The following ALG9 variants were observed in gnomAD, a reference collection of about 807,000 sequenced individuals.
ALG9 encodes ALG9 alpha-1,2-mannosyltransferase.
ALG9 carries 55 observed loss-of-function variants against 81.8 expected under a neutral mutation model. The ratio of observed to expected loss-of-function variants is 0.67; its 90% CI spans 0.54 to 0.84. The LOEUF (loss-of-function observed/expected upper bound fraction) is 0.84. ALG9 is among the 40% of genes least tolerant of loss of function. ALG9 has a pLI of 0.00. For synonymous variants in ALG9, 278 were observed against 274.3 expected (o/e 1.01, Z -0.13); for missense variants, 629 against 745.0 (o/e 0.84, Z 1.81).
At chr11:111,781,970 G>A (rs183715216), downstream of ALG9, among the ~76,000 whole-genome samples, 1 of 152,128 alleles carries the variant, frequency 6.6e-6, no homozygotes, top group South Asian at 2.1e-4. Flanking sequence ...TACTGTGCGT[G>A]GTTTTAACAT....
chr11:111,859,702 A>G (rs1959334547), intron 5 of ALG9, among the ~76,000 whole-genome samples: 1 of 152,082 alleles, frequency 6.6e-6, no homozygotes, highest in South Asian at 2.1e-4. Flanking sequence ...CAGGCTCTCA[A>G]AGTCACTCTG....
chr11:111,793,554 G>A (rs1371933735), intron 14 of ALG9, among the ~76,000 whole-genome samples: 3 of 152,162 alleles, frequency 2.0e-5, no homozygotes, highest in African/African-American at 4.8e-5. Context: ...AAGGTCAGGA[G>A]AGCAAGACCA....
At chr11:111,848,279 C>T (rs1406688592) in intron 8 of ALG9, among the ~76,000 whole-genome samples, 2 of 152,158 alleles carry the variant, frequency 1.3e-5, no homozygotes, top group East Asian at 1.9e-4. Flanking sequence ...AATGTACTCC[C>T]TTTATTTTCC....
chr11:111,871,296 G>C (rs932506035), intron 1 of ALG9, 56 bp downstream of exon 1: 3 of 1,370,266 alleles, frequency 2.2e-6, no homozygotes, highest in Non-Finnish European at 2.8e-6. Context: ...CCCTCCCGGG[G>C]GCAGCCCCGA....
Position 111,863,096 on chromosome 11 carries a change from G to T in ALG9, c.476+2085C>A, listed in dbSNP as rs529331238. 5.9e-5 allele frequency among the ~76,000 whole-genome samples: 9 copies of T among 152,266 alleles called. No individual in the cohort carries two copies. In the East Asian group the frequency reaches 1.3e-3, roughly 23 times the overall value. On this transcript the variant is annotated intron_variant, in intron 4 of 14. Coordinates refer to ENST00000616540, the MANE Select transcript of ALG9 (RefSeq NM_024740.2). Reference sequence around the variant, plus strand: ...CAATTTAAAATAAATTCTCGGCTGGGCCTGGTGGCTCACACCTGTAATCCC... The same window carrying T: ...CAATTTAAAATAAATTCTCGGCTGGTCCTGGTGGCTCACACCTGTAATCCC...
chr11:111,855,143 T>TAAATAA (rs1418348947), intron 6 of ALG9, among the ~76,000 whole-genome samples: 1 of 152,216 alleles, frequency 6.6e-6, no homozygotes, highest in African/African-American at 2.4e-5. Flanking sequence ...ACTTTTTATT[T>TAAATAA]AAAGGATCTG....
chr11:111,830,246 G>T (rs1159211764), intron 13 of ALG9, among the ~76,000 whole-genome samples: 4 of 152,048 alleles, frequency 2.6e-5, no homozygotes, highest in African/African-American at 9.7e-5. Flanking sequence ...CATCTGAAAG[G>T]GAAAAATTTC....
intron 9 of ALG9, among the ~76,000 whole-genome samples, chr11:111,841,959 C>A (rs1247647126): frequency 9.2e-5 from 14 of 152,176 alleles, no homozygotes; most frequent in African/African-American, 3.4e-4. Flanking sequence ...TGCAGTGGCA[C>A]AATCTCGGCT....
chr11:111,868,691 A>G lies in ALG9; in HGVS notation c.316T>C (p.Ser106Pro). 6.2e-7 allele frequency: 1 copy of G among 1,613,726 alleles called. No individual in the cohort carries two copies. The highest frequency in any genetic ancestry group is 8.5e-7 in the Non-Finnish European group (1 of 1,179,734). The change falls in exon 3 of 15, where the codon TCC (serine) becomes CCC (proline). Residue 106 changes from serine to proline, a missense_variant. Ser to Pro is a moderately conservative substitution (Grantham distance 74, BLOSUM62 -1). Coordinates refer to ENST00000616540, the MANE Select transcript of ALG9 (RefSeq NM_024740.2). The part of the protein sequence containing the change: ...YGEGFQTWEY[S>P]PAYAIRSYAY... Reference sequence around the variant, plus strand: ...TAGGAGCGAATGGCATATGCTGGGGAATATTCCCAAGTCTGAAACCCTTCC... The same window carrying G: ...TAGGAGCGAATGGCATATGCTGGGGGATATTCCCAAGTCTGAAACCCTTCC...
chr11:111,771,157 C>T, the ALG9 span: 39 of 152,518 alleles, frequency 2.6e-4, no homozygotes, highest in South Asian at 8.3e-4. Context: ...ATTGGCCGGG[C>T]GTGGTGGCTC....
chr11:111,858,629 G>A (rs564190523), intron 5 of ALG9, among the ~76,000 whole-genome samples: 1 of 152,182 alleles, frequency 6.6e-6, no homozygotes, highest in Non-Finnish European at 1.5e-5. Context: ...AGAGGACAGA[G>A]TACAGGGTCT....
At chr11:111,812,915 CAA>C (rs57311061) in intron 13 of ALG9, among the ~76,000 whole-genome samples, 6 of 98,766 alleles carry the variant, frequency 6.1e-5, no homozygotes, top group Admixed American at 2.2e-4. Flanking sequence ...GACTCTGTCT[CAA>C]AAAAAAAAAA....
Position 111,783,586 on chromosome 11 carries a change from T to C in ALG9, c.*2811A>G, listed in dbSNP as rs1438110157. ...TCAGTGCAGGCTGAACACTGCTTTT[T>C]TGAGGGAGAACTGCTACTCTGAGCA... is the stretch of plus-strand genomic sequence containing the variant. On this transcript the variant is annotated 3_prime_UTR_variant, in exon 15 of 15. Transcript: ENST00000616540. The C allele has an allele frequency of 3.3e-5, 5 of 152,216 alleles. No homozygotes were observed. Among genetic ancestry groups the C allele is most frequent in the African/African-American group, 4.8e-5 (2 of 41,448 alleles). 9.4% of individuals were successfully genotyped at this position (152,216 alleles called of 1,614,324 possible). A position where few individuals can be genotyped will look rare whatever the true frequency, so the allele number is the denominator to read the frequency against.
At chr11:111,858,299 A>C (rs139532312) in intron 5 of ALG9, among the ~76,000 whole-genome samples, 1 of 152,036 alleles carries the variant, frequency 6.6e-6, no homozygotes, top group African/African-American at 2.4e-5. Flanking sequence ...TTCCTCTCCC[A>C]GCCTACACCT....
intron 8 of ALG9, among the ~76,000 whole-genome samples, chr11:111,851,398 GA>G (rs1300098263): frequency 6.6e-6 from 1 of 150,448 alleles, no homozygotes; most frequent in Admixed American, 6.6e-5. Flanking sequence ...AGAATTGCTT[GA>G]ACCCAGGAGG....
intron 13 of ALG9, among the ~76,000 whole-genome samples, chr11:111,822,716 A>C (rs897957319): frequency 6.6e-6 from 1 of 151,854 alleles, no homozygotes; most frequent in Non-Finnish European, 1.5e-5. Context: ...GTCTCAAAAA[A>C]CAAAATAAAC....
chr11:111,793,642 T>C (rs907124219), intron 14 of ALG9, among the ~76,000 whole-genome samples: 13 of 151,468 alleles, frequency 8.6e-5, no homozygotes, highest in Non-Finnish European at 1.9e-4. Context: ...GTGCCTGTAG[T>C]CCCAGCTACC....
intron 8 of ALG9, chr11:111,849,389 G>A (rs1957416545): frequency 6.6e-6 from 1 of 152,134 alleles, no homozygotes. Flanking sequence ...TGTCCATCCA[G>A]TCAAGAAATA....
rs1964268545 is a variant in ALG9, at chr11:111,871,457, C to A, written c.26G>T (p.Arg9Leu). Residue 9 changes from arginine (R) to leucine (L), a missense_variant, in exon 1 of 15, where the codon CGC (arginine) becomes CTC (leucine). Around this residue, in one of 3 missense-constraint regions of ALG9, gnomAD observed 344 missense variants for 390.5 expected, o/e 0.88. Transcript: ENST00000616540. MASRGARQ[R>L]LKGSGASSGD... ...ACTGCTGGCCCCGCTGCCCTTCAGG[C>A]GCTGCCGAGCCCCTCGACTAGCCAT... 5 of 1,536,584 alleles carry A rather than the reference C, an allele frequency of 3.3e-6. No homozygotes were observed. Among genetic ancestry groups the A allele is most frequent in the Admixed American group, 2.0e-5 (1 of 50,978 alleles).
Sources: allele counts gnomAD v4.1 joint callset (sites outside exome capture counted in the v4.1 genomes callset), GRCh38; gene constraint gnomAD v4.1.1; regional missense constraint gnomAD v4.1.1; transcripts MANE v1.5; gene names NCBI Gene and HGNC (gene_info 2026-07-23, HGNC 2026-07-21).